Variants in L3MBTL4 observed in about 807,000 individuals in gnomAD.
The protein encoded by L3MBTL4 is L3MBTL histone methyl-lysine binding protein 4.
A neutral mutation model predicts 84.5 loss-of-function variants in L3MBTL4; 70 were observed. The observed-to-expected ratio is 0.83, with a 90% CI of 0.68 to 1.01. The LOEUF (loss-of-function observed/expected upper bound fraction) is 1.01, where lower values mean the gene tolerates loss of function less well. Ranked by LOEUF, L3MBTL4 falls within the 50% of genes least tolerant of loss-of-function variation. The pLI is 0.00. For missense variants in L3MBTL4, 715 were observed against 754.8 expected, an observed-to-expected ratio of 0.95 and a Z score of 0.62; for synonymous variants, 274 against 259.8, an observed-to-expected ratio of 1.05 and a Z score of -0.52.
At chr18:6,118,890 C>T (rs530743357) in intron 14 of L3MBTL4, among the ~76,000 whole-genome samples, 25 of 150,958 alleles carry the variant, frequency 1.7e-4, no homozygotes, top group Non-Finnish European at 3.2e-4. Context: ...TACAGAAGAA[C>T]AGTACTTTGA....
chr18:6,234,316 G>C (rs999980929), intron 10 of L3MBTL4, among the ~76,000 whole-genome samples: 2 of 152,180 alleles, frequency 1.3e-5, no homozygotes, highest in Non-Finnish European at 2.9e-5. Flanking sequence ...ATTGACAAAT[G>C]GGATTTAATT....
At chr18:6,350,020 T>A (rs2053105294) in intron 1 of L3MBTL4, among the ~76,000 whole-genome samples, 1 of 152,218 alleles carries the variant, frequency 6.6e-6, no homozygotes, top group South Asian at 2.1e-4. Context: ...TAAGTTTGAG[T>A]CCACAAATGG....
intron 12 of L3MBTL4, among the ~76,000 whole-genome samples, chr18:6,208,730 C>T (rs1196695609): frequency 6.6e-6 from 1 of 152,158 alleles, no homozygotes; most frequent in Non-Finnish European, 1.5e-5. Flanking sequence ...ACACACTGTA[C>T]AACCAAACAA....
At chr18:6,033,086 T>C (rs1468526170) in intron 16 of L3MBTL4, among the ~76,000 whole-genome samples, 1 of 152,208 alleles carries the variant, frequency 6.6e-6, no homozygotes, top group African/African-American at 2.4e-5. Flanking sequence ...GATTTTTCCA[T>C]CCATTATTAC....
chr18:6,271,317 T>A (rs1293634079), intron 4 of L3MBTL4, among the ~76,000 whole-genome samples: 2 of 152,202 alleles, frequency 1.3e-5, no homozygotes, highest in Non-Finnish European at 2.9e-5. Context: ...CCACATTGTA[T>A]TTATAAATTA....
At chr18:6,073,773 C>A (rs985340745) in intron 16 of L3MBTL4, among the ~76,000 whole-genome samples, 15 of 152,216 alleles carry the variant, frequency 9.9e-5, no homozygotes, top group Admixed American at 6.5e-4. Context: ...AAAATATTAA[C>A]AACTCTTTTA....
Position 6,414,576 on chromosome 18 carries a change from C to G in L3MBTL4, c.-91+225G>C, listed in dbSNP as rs569035806. 2.0e-4 allele frequency: 30 copies of G among 152,032 alleles called. No individual in the cohort carries two copies. The highest frequency in any genetic ancestry group is 6.7e-4 in the African/African-American group (28 of 41,482). 9.4% of individuals were successfully genotyped at this position (152,032 alleles called of 1,614,324 possible). On this transcript the variant is annotated intron_variant, in intron 1 of 18. Coordinates refer to ENST00000317931, the MANE Select transcript of L3MBTL4 (RefSeq NM_001330559.2). The surrounding 1 kb of genome is among the most constrained non-coding windows in gnomAD (Gnocchi z 5.4). ...GCGACAAGTGAGGCAGCGCCTCTCG[C>G]GGGGAGCCCGGCGCGCGCCCCGGCG...
intron 1 of L3MBTL4, among the ~76,000 whole-genome samples, chr18:6,398,247 G>A (rs528876417): frequency 7.9e-5 from 12 of 152,300 alleles, no homozygotes; most frequent in South Asian, 4.1e-4. Flanking sequence ...GAAAACAGTC[G>A]CAATTGTGGA....
chr18:6,291,907 G>A (rs1251722548), intron 4 of L3MBTL4, among the ~76,000 whole-genome samples: 1 of 152,158 alleles, frequency 6.6e-6, no homozygotes, highest in East Asian at 1.9e-4. Flanking sequence ...ACAAAGTGAA[G>A]AGACAACCCA....
intron 13 of L3MBTL4, 67 bp downstream of exon 13, chr18:6,171,761 A>G: frequency 1.1e-6 from 1 of 900,450 alleles, no homozygotes; most frequent in Middle Eastern, 2.2e-4. Flanking sequence ...TGGCATGAAT[A>G]AGCAACATTA....
intron 16 of L3MBTL4, among the ~76,000 whole-genome samples, chr18:6,009,621 C>T (rs1459610972): frequency 4.6e-5 from 7 of 152,164 alleles, no homozygotes; most frequent in African/African-American, 1.7e-4. Context: ...TATGCACACC[C>T]TCCCGTATAC....
chr18:6,133,462 G>A (rs971455881), intron 14 of L3MBTL4, among the ~76,000 whole-genome samples: 5 of 152,018 alleles, frequency 3.3e-5, no homozygotes, highest in Admixed American at 6.6e-5. Flanking sequence ...CAGAGTCCTC[G>A]CTAATACAGG....
At chr18:6,262,322 C>T (rs1440174664) in intron 5 of L3MBTL4, among the ~76,000 whole-genome samples, 1 of 152,142 alleles carries the variant, frequency 6.6e-6, no homozygotes, top group African/African-American at 2.4e-5. Context: ...CACTCAGAAG[C>T]GAGAAGAGTT....
chr18:5,989,359 A>G (rs3745088), intron 16 of L3MBTL4, among the ~76,000 whole-genome samples: 29,667 of 152,170 alleles, frequency 0.19, 4,856 homozygotes, highest in African/African-American at 0.44. Context: ...AAATAAAAAA[A>G]TATTGGCAGA....
intron 16 of L3MBTL4, among the ~76,000 whole-genome samples, chr18:6,016,806 G>T (rs1424811308): frequency 6.6e-6 from 1 of 152,246 alleles, no homozygotes; most frequent in Admixed American, 6.5e-5. Context: ...TGGTGAGGAT[G>T]ATAGCTGAAC....
At position 5,955,173 on chromosome 18, in the gene L3MBTL4, T is replaced by A. The variant is rs1356358425; in HGVS notation, c.*1047A>T. The A allele has an allele frequency of 2.0e-5, 3 of 152,190 alleles. No homozygotes were observed. The highest frequency in any genetic ancestry group is 7.2e-5 in the African/African-American group (3 of 41,436). The allele number at this position is 152,190 out of a possible 1,614,324, so 9.4% of individuals were successfully genotyped here. On this transcript the variant is annotated 3_prime_UTR_variant, in exon 19 of 19. Coordinates refer to ENST00000317931, the MANE Select transcript of L3MBTL4 (RefSeq NM_001330559.2). ...ACTGTGGGACTGATTCCACACAACT[T>A]AAGCCTCCGATACAATCACTTACAA...
intron 1 of L3MBTL4, among the ~76,000 whole-genome samples, chr18:6,380,356 T>A: frequency 6.6e-6 from 1 of 152,198 alleles, no homozygotes; most frequent in East Asian, 1.9e-4. Context: ...TGTCTTCTGC[T>A]ACCTTTTGAA....
chr18:6,350,767 A>G (rs2053144558), intron 1 of L3MBTL4, among the ~76,000 whole-genome samples: 2 of 152,240 alleles, frequency 1.3e-5, no homozygotes, highest in Admixed American at 6.5e-5. Flanking sequence ...AACAGAAATT[A>G]GTGCACCAAT....
chr18:6,295,846 G>A (rs1217726092), intron 4 of L3MBTL4, among the ~76,000 whole-genome samples: 1 of 152,122 alleles, frequency 6.6e-6, no homozygotes, highest in Non-Finnish European at 1.5e-5. Flanking sequence ...TCCAGTGCTG[G>A]AGGTGGGCCT....
Sources: gnomAD v4.1 joint callset for allele counts (sites outside exome capture counted in the v4.1 genomes callset) on GRCh38, gnomAD v4.1.1 for gene constraint, Gnocchi (gnomAD v3.1) non-coding constraint, MANE v1.5 for transcripts, NCBI Gene and HGNC (gene_info 2026-07-23, HGNC 2026-07-21) for gene names.